The following CSMD1 variants were observed in gnomAD, a reference collection of about 807,000 sequenced individuals.
CSMD1 encodes CUB and sushi domain-containing protein 1.
CSMD1 carries 213 observed loss-of-function variants against 417.5 expected under a neutral mutation model. The observed-to-expected ratio is 0.51, with a 90% CI of 0.46 to 0.57. The LOEUF is 0.57. CSMD1 is among the 20% of genes least tolerant of loss of function. The pLI is 0.00. For missense variants in CSMD1, 6,923 were observed against 4,529.7 expected (o/e 1.53, Z -15.17); for synonymous variants, 2,862 against 1,736.8 (o/e 1.65, Z -16.11).
chr8:3,406,823 C>A (rs1377359361), intron 14 of CSMD1, among the ~76,000 whole-genome samples: 3 of 152,156 alleles, frequency 2.0e-5, no homozygotes, highest in African/African-American at 7.2e-5. Flanking sequence ...GATATTCTTA[C>A]ATAAAATAGG....
At chr8:3,857,023 T>G (rs1804359472) in intron 5 of CSMD1, among the ~76,000 whole-genome samples, 1 of 152,150 alleles carries the variant, frequency 6.6e-6, no homozygotes, top group Non-Finnish European at 1.5e-5. Flanking sequence ...TGGCAATGAT[T>G]AGAAATATAT....
At chr8:3,444,606 A>G (rs905873839) in intron 12 of CSMD1, among the ~76,000 whole-genome samples, 1 of 152,106 alleles carries the variant, frequency 6.6e-6, no homozygotes, top group Non-Finnish European at 1.5e-5. Flanking sequence ...TGATGCTCCT[A>G]AAAACCTACA....
intron 3 of CSMD1, among the ~76,000 whole-genome samples, chr8:4,059,491 A>C (rs1798861201): frequency 1.3e-5 from 2 of 152,224 alleles, no homozygotes; most frequent in Admixed American, 6.5e-5. Context: ...TCAAAAAATT[A>C]ATGAATCCAG....
chr8:3,992,434 G>C (rs557958880), intron 5 of CSMD1, among the ~76,000 whole-genome samples: 2 of 152,238 alleles, frequency 1.3e-5, no homozygotes, highest in South Asian at 2.1e-4. Flanking sequence ...AATAAGTGTT[G>C]AGGTGCATAG....
intron 1 of CSMD1, among the ~76,000 whole-genome samples, chr8:4,699,790 T>G (rs1281008953): frequency 6.6e-6 from 1 of 152,226 alleles, no homozygotes; most frequent in African/African-American, 2.4e-5. Flanking sequence ...GATATGGTGC[T>G]TGAACTCACC....
At chr8:3,740,884 C>T (rs1373223333) in intron 6 of CSMD1, among the ~76,000 whole-genome samples, 4 of 152,046 alleles carry the variant, frequency 2.6e-5, no homozygotes, top group South Asian at 2.1e-4. Context: ...CCCTACTCAG[C>T]TTCTGTGCCC....
intron 2 of CSMD1, among the ~76,000 whole-genome samples, chr8:4,460,550 A>G (rs1484401589): frequency 6.6e-6 from 1 of 152,142 alleles, no homozygotes; most frequent in Non-Finnish European, 1.5e-5. Context: ...CTTCTACAAA[A>G]TTAAGAATCT....
At chr8:3,389,854 C>T (rs7016299) in intron 17 of CSMD1, among the ~76,000 whole-genome samples, 71,665 of 151,940 alleles carry the variant, frequency 0.47, 17,324 homozygotes, top group African/African-American at 0.57. Context: ...CATAATACTT[C>T]CATTCATTTT....
chr8:3,314,720 G>A lies in CSMD1; in HGVS notation c.3632-6217C>T, dbSNP rs147292498. Among the ~76,000 whole-genome samples the A allele has an allele frequency of 5.4e-4, 82 of 152,286 alleles. 1 individual carries two copies. Among genetic ancestry groups the A allele is most frequent in the African/African-American group, 1.9e-3 (78 of 41,554 alleles). ...CCATATATGTTGCATGAATTACGCAGTCTTAATATTCTTAAGAATTAAATC... is the reference window on the plus strand; with the variant it reads ...CCATATATGTTGCATGAATTACGCAATCTTAATATTCTTAAGAATTAAATC... On this transcript the variant is annotated intron_variant, in intron 23 of 69. Transcript: ENST00000635120.
intron 26 of CSMD1, among the ~76,000 whole-genome samples, chr8:3,235,517 C>T (rs1423561621): frequency 1.3e-5 from 2 of 152,140 alleles, no homozygotes; most frequent in Non-Finnish European, 2.9e-5. Flanking sequence ...TCCCCTTAGA[C>T]ATTCCCATTG....
At chr8:4,069,414 A>G (rs980403498) in intron 3 of CSMD1, among the ~76,000 whole-genome samples, 31 of 152,164 alleles carry the variant, frequency 2.0e-4, no homozygotes, top group Non-Finnish European at 3.2e-4. Flanking sequence ...CGAGTTTTCC[A>G]TGAGCATCTA....
chr8:3,696,252 C>T (rs932123340), intron 7 of CSMD1, among the ~76,000 whole-genome samples: 4 of 152,186 alleles, frequency 2.6e-5, no homozygotes, highest in African/African-American at 9.7e-5. Flanking sequence ...AGGCACATTG[C>T]TCTTCCTGCA....
At chr8:4,813,644 A>G (rs1799037174) in intron 1 of CSMD1, among the ~76,000 whole-genome samples, 1 of 152,234 alleles carries the variant, frequency 6.6e-6, no homozygotes, top group Non-Finnish European at 1.5e-5. Context: ...AGCTGTAATA[A>G]CATCAATTTA....
At chr8:3,565,362 G>A (rs1258549512) in intron 10 of CSMD1, among the ~76,000 whole-genome samples, 2 of 152,044 alleles carry the variant, frequency 1.3e-5, no homozygotes, top group Non-Finnish European at 2.9e-5. Flanking sequence ...CTTTGCACGG[G>A]GAAAGGTCTG....
intron 3 of CSMD1, among the ~76,000 whole-genome samples, chr8:4,131,093 C>G (rs147975514): frequency 2.6e-5 from 4 of 152,172 alleles, no homozygotes; most frequent in Non-Finnish European, 5.9e-5. Context: ...TGATTTCTAA[C>G]TGCTGTTAAA....
intron 5 of CSMD1, among the ~76,000 whole-genome samples, chr8:3,842,301 C>G (rs1443029806): frequency 1.3e-5 from 2 of 152,072 alleles, no homozygotes; most frequent in African/African-American, 4.8e-5. Flanking sequence ...ACTTTTCATT[C>G]CAGTAGTTTC....
chr8:3,707,163 G>C (rs1027096029), intron 7 of CSMD1, among the ~76,000 whole-genome samples: 5 of 152,174 alleles, frequency 3.3e-5, no homozygotes, highest in African/African-American at 1.2e-4. Flanking sequence ...CAATTGTCAG[G>C]AAATCCTAAA....
chr8:4,495,867 T>A (rs1292454063), intron 2 of CSMD1, among the ~76,000 whole-genome samples: 1 of 152,180 alleles, frequency 6.6e-6, no homozygotes, highest in African/African-American at 2.4e-5. Context: ...GGATTTCATT[T>A]AATTTTTCTG....
At chr8:4,047,331 T>C (rs1798198798) in intron 3 of CSMD1, among the ~76,000 whole-genome samples, 1 of 152,082 alleles carries the variant, frequency 6.6e-6, no homozygotes, top group South Asian at 2.1e-4. Flanking sequence ...AACAAAATGA[T>C]CTTCTACCCA....
Sources: allele counts gnomAD v4.1 joint callset (sites outside exome capture counted in the v4.1 genomes callset), GRCh38; gene constraint gnomAD v4.1.1; transcripts MANE v1.5; gene names NCBI Gene and HGNC (gene_info 2026-07-23, HGNC 2026-07-21).